ESR1: variants seen among roughly 807,000 people sequenced by gnomAD.
The protein encoded by ESR1 is estrogen receptor.
Under a neutral mutation model 52.7 loss-of-function variants are expected in ESR1, and 12 were observed. The ratio of observed to expected loss-of-function variants is 0.23; its 90% CI spans 0.15 to 0.37. The LOEUF (loss-of-function observed/expected upper bound fraction) is 0.37, where lower values mean the gene tolerates loss of function less well. Among genes scored for constraint, ESR1 ranks in the 10% least tolerant of loss-of-function variants. ESR1 has a pLI of 1.00. For synonymous variants in ESR1, 305 were observed against 316.8 expected (o/e 0.96, Z 0.39); for missense variants, 584 against 779.7 (o/e 0.75, Z 2.99).
chr6:151,867,565 G>A (rs991723782), intron 2 of ESR1, among the ~76,000 whole-genome samples: 4 of 152,062 alleles, frequency 2.6e-5, no homozygotes, highest in African/African-American at 9.7e-5. Context: ...CATCATCACT[G>A]GTCAAGAGAA....
rs535710471 is a variant in ESR1 at position 151,666,405 on chromosome 6, C to T, written n.73+9642C>T. Among the ~76,000 whole-genome samples the T allele has an allele frequency of 2.2e-4, 34 of 152,264 alleles. No individual in the cohort carries two copies. The Middle Eastern group carries it at 0.01, about 46-fold the overall frequency. On this transcript the variant is annotated intron_variant and non_coding_transcript_variant, in intron 1 of 2. Coordinates refer to the ESR1 transcript ENST00000473497. ...ATTTCTACAGGGAAAAGTGCATGTTCCTGTTCTCTGGTAGAAGGGCCACCC... is the reference window on the plus strand; with the variant it reads ...ATTTCTACAGGGAAAAGTGCATGTTTCTGTTCTCTGGTAGAAGGGCCACCC...
At chr6:152,086,477 G>A (rs2152478594) in intron 6 of ESR1, among the ~76,000 whole-genome samples, 1 of 149,964 alleles carries the variant, frequency 6.7e-6, no homozygotes, top group East Asian at 1.9e-4. Context: ...ATTAAAAACT[G>A]GGACTTTATA....
chr6:151,768,030 G>C (rs779688002), intron 2 of ESR1, among the ~76,000 whole-genome samples: 1 of 152,138 alleles, frequency 6.6e-6, no homozygotes, highest in Non-Finnish European at 1.5e-5. Flanking sequence ...GGAATGTGGA[G>C]CAATAATTAT....
chr6:151,899,992 G>A (rs1344752725), intron 3 of ESR1, among the ~76,000 whole-genome samples: 1 of 152,220 alleles, frequency 6.6e-6, no homozygotes, highest in Admixed American at 6.5e-5. Context: ...CCCAGACGGG[G>A]TGGCCCCGGG....
At chr6:151,668,674 T>C (rs1365936094) in intron 1 of ESR1, among the ~76,000 whole-genome samples, 3 of 152,180 alleles carry the variant, frequency 2.0e-5, no homozygotes, top group African/African-American at 7.2e-5. Context: ...AAGCCCTGCC[T>C]GTTAATACTA....
chr6:152,044,025 T>C (rs1313070601), intron 5 of ESR1, among the ~76,000 whole-genome samples: 2 of 152,150 alleles, frequency 1.3e-5, no homozygotes, highest in Non-Finnish European at 2.9e-5. Flanking sequence ...AGCTGGGAGA[T>C]AGAATCCCTG....
chr6:151,944,399 C>T lies in ESR1; in HGVS notation c.987C>T (p.Ser329=), dbSNP rs139493047. 2.0e-5 allele frequency: 32 copies of T among 1,613,780 alleles called. No individual in the cohort carries two copies. In the East Asian group the frequency reaches 2.5e-4, roughly 12 times the overall value. The change falls in exon 4 of 8, where the codon TCC becomes TCT. Residue 329 remains serine (S), a synonymous_variant. Coordinates refer to ENST00000206249, the MANE Select transcript of ESR1 (RefSeq NM_000125.4). ...LLDAEPPILY[S]EYDPTRPFSE... ...ATGCTGAGCCCCCGATACTCTATTCCGAGTATGATCCTACCAGACCCTTCA... is the reference window on the plus strand; with the variant it reads ...ATGCTGAGCCCCCGATACTCTATTCTGAGTATGATCCTACCAGACCCTTCA...
At chr6:151,658,744 G>A (rs982254993) in intron 1 of ESR1, among the ~76,000 whole-genome samples, 1 of 152,106 alleles carries the variant, frequency 6.6e-6, no homozygotes, top group Non-Finnish European at 1.5e-5. Context: ...ATGTATCAAA[G>A]TTATCATCTC....
chr6:151,927,930 G>A (rs1314835776), intron 3 of ESR1, among the ~76,000 whole-genome samples: 2 of 151,918 alleles, frequency 1.3e-5, no homozygotes, highest in Non-Finnish European at 2.9e-5. Flanking sequence ...TACCATGCTG[G>A]CCAGGTTGGT....
At chr6:151,726,162 C>T (rs1027886948) in intron 2 of ESR1, among the ~76,000 whole-genome samples, 2 of 152,024 alleles carry the variant, frequency 1.3e-5, no homozygotes, top group Admixed American at 6.6e-5. Flanking sequence ...CTCATTTAGG[C>T]GGAGAAAGAA....
chr6:151,764,863 T>C (rs114872059), intron 2 of ESR1, among the ~76,000 whole-genome samples: 2 of 152,350 alleles, frequency 1.3e-5, no homozygotes, highest in African/African-American at 4.8e-5. Context: ...TGTGATTCTG[T>C]AAGCACTAAA....
At chr6:151,813,502 A>G (rs919428411) in intron 1 of ESR1, 1 of 152,182 alleles carries the variant, frequency 6.6e-6, no homozygotes, top group African/African-American at 2.4e-5. Context: ...CCAATCCTTT[A>G]AATCTACTTG....
intron 6 of ESR1, among the ~76,000 whole-genome samples, chr6:152,075,904 T>C (rs2128996954): frequency 6.6e-6 from 1 of 152,360 alleles, no homozygotes; most frequent in Admixed American, 6.5e-5. Flanking sequence ...CATTGTTCAT[T>C]GATTTGGCAA....
At chr6:151,828,838 T>C (rs1583514068) in intron 1 of ESR1, among the ~76,000 whole-genome samples, 1 of 152,218 alleles carries the variant, frequency 6.6e-6, no homozygotes, top group Non-Finnish European at 1.5e-5. Flanking sequence ...GTCTGCAAAC[T>C]GCACTGCAGA....
chr6:151,818,808 TACAC>T (rs3996304), intron 1 of ESR1, among the ~76,000 whole-genome samples: 4 of 150,720 alleles, frequency 2.7e-5, no homozygotes, highest in Admixed American at 6.6e-5. Flanking sequence ...TACACATATA[TACAC>T]ACACACACAC....
chr6:152,089,077 T>C (rs1248441176), intron 6 of ESR1, among the ~76,000 whole-genome samples: 1 of 152,066 alleles, frequency 6.6e-6, no homozygotes, highest in African/African-American at 2.4e-5. Context: ...GGATGAGCAA[T>C]GGAGAAGACA....
chr6:151,926,216 C>T (rs1453858998), intron 3 of ESR1, among the ~76,000 whole-genome samples: 1 of 152,092 alleles, frequency 6.6e-6, no homozygotes, highest in Non-Finnish European at 1.5e-5. Context: ...TAACCAGTAC[C>T]ATACTGCCTT....
intron 2 of ESR1, among the ~76,000 whole-genome samples, chr6:151,747,328 G>A (rs569679697): frequency 6.6e-6 from 1 of 152,270 alleles, no homozygotes; most frequent in South Asian, 2.1e-4. Flanking sequence ...ATAAGCAGAT[G>A]GGTTGTGGAA....
intron 4 of ESR1, among the ~76,000 whole-genome samples, chr6:151,982,910 C>T (rs765082113): frequency 2.2e-4 from 33 of 152,018 alleles, no homozygotes; most frequent in Non-Finnish European, 4.3e-4. Flanking sequence ...CGGAGATATT[C>T]GATCTCTGTT....
Sources: gnomAD v4.1 joint callset for allele counts (sites outside exome capture counted in the v4.1 genomes callset) on GRCh38, gnomAD v4.1.1 for gene constraint, MANE v1.5 for transcripts, NCBI Gene and HGNC (gene_info 2026-07-23, HGNC 2026-07-21) for gene names.